Variants in ELF1 observed in about 807,000 individuals in gnomAD.
The protein encoded by ELF1 is E74 like ETS transcription factor 1, also known as ETS-related transcription factor Elf-1.
Under a neutral mutation model 59.9 loss-of-function variants are expected in ELF1, and 24 were observed. The ratio of observed to expected loss-of-function variants is 0.40; its 90% CI spans 0.29 to 0.56. The LOEUF is 0.56. ELF1 is among the 20% of genes least tolerant of loss of function. The probability of loss-of-function intolerance (pLI) is 0.44; values close to 1 mark genes in which losing one functional copy is unlikely to be tolerated. For missense variants in ELF1, 627 were observed against 742.2 expected (o/e 0.84, Z 1.80); for synonymous variants, 248 against 266.2 (o/e 0.93, Z 0.67).
chr13:41,047,633 T>C (rs1876911092), intron 1 of ELF1, among the ~76,000 whole-genome samples: 1 of 152,210 alleles, frequency 6.6e-6, no homozygotes, highest in Non-Finnish European at 1.5e-5. Flanking sequence ...TGATCATTCC[T>C]CTGGAAGCTT....
At chr13:41,022,587 A>G (rs116301369), upstream of ELF1, among the ~76,000 whole-genome samples, 215 of 152,328 alleles carry the variant, frequency 1.4e-3, 1 homozygote, top group African/African-American at 4.8e-3. Context: ...GATTTTAACA[A>G]AAAGAAATCT....
chr13:40,969,822 G>C (rs1464962972), intron 2 of ELF1, among the ~76,000 whole-genome samples: 3 of 152,068 alleles, frequency 2.0e-5, no homozygotes, highest in Admixed American at 2.0e-4. Flanking sequence ...TCCCACTTCC[G>C]CTTCCCAAGC....
At chr13:40,978,869 C>T (rs1223190675) in intron 2 of ELF1, among the ~76,000 whole-genome samples, 2 of 151,602 alleles carry the variant, frequency 1.3e-5, no homozygotes, top group African/African-American at 4.8e-5. Context: ...AATACAGCTC[C>T]TCTTACCCCC....
chr13:40,990,097 A>T (rs1175063435), intron 1 of ELF1, among the ~76,000 whole-genome samples: 1 of 152,218 alleles, frequency 6.6e-6, no homozygotes, highest in Non-Finnish European at 1.5e-5. Flanking sequence ...ACAAAACCAA[A>T]CACATTATTT....
chr13:40,993,034 A>G, intron 1 of ELF1: 2 of 1,566,272 alleles, frequency 1.3e-6, no homozygotes, highest in Non-Finnish European at 1.8e-6. Flanking sequence ...GTTCAGAGGA[A>G]CTCTCTGAAA....
At chr13:40,936,102 TC>T (rs927828316) in intron 8 of ELF1, among the ~76,000 whole-genome samples, 2 of 152,062 alleles carry the variant, frequency 1.3e-5, no homozygotes, top group African/African-American at 2.4e-5. Flanking sequence ...ACAAATATTA[TC>T]CCCATCTTAC....
In ELF1 at chr13:41,031,704, C is replaced by T. The variant is rs561640137; in HGVS notation, c.-229+29134G>A. On this transcript the variant is annotated intron_variant, in intron 1 of 1. Coordinates refer to the ELF1 transcript ENST00000405737. ...GGGTGTTGGTGGGCGCCTGTAATCC[C>T]ATCTACTAGGGAGGCTGAGACAGAG... 1.1e-4 allele frequency among the ~76,000 whole-genome samples: 16 copies of T among 150,790 alleles called. No individual in the cohort carries two copies. In the South Asian group the frequency reaches 3.4e-3, roughly 32 times the overall value.
At chr13:40,985,662 G>T (rs1054221312) in intron 1 of ELF1, among the ~76,000 whole-genome samples, 1 of 152,178 alleles carries the variant, frequency 6.6e-6, no homozygotes, top group Non-Finnish European at 1.5e-5. Flanking sequence ...TGAAGTCAGT[G>T]TGTAAAAAAC....
In ELF1 at chr13:40,951,975, C is replaced by A. The variant is rs145469254; in HGVS notation, c.254-539G>T. ...TGTGTTAAAAAATCATAAATGGTGG[C>A]AGTGCAAGGAAAGACAAGACAGTTT... is the stretch of plus-strand genomic sequence containing the variant. On this transcript the variant is annotated intron_variant, in intron 3 of 8. Coordinates refer to ENST00000239882, the MANE Select transcript of ELF1 (RefSeq NM_172373.4). 3.5e-3 allele frequency among the ~76,000 whole-genome samples: 539 copies of A among 152,158 alleles called. 6 individuals are homozygous for A. The highest frequency in any genetic ancestry group is 0.012 in the African/African-American group (501 of 41,534).
chr13:41,017,526 G>C (rs1566190807), intron 1 of ELF1, among the ~76,000 whole-genome samples: 2 of 152,166 alleles, frequency 1.3e-5, no homozygotes, highest in African/African-American at 4.8e-5. Context: ...AAGGAAAAAC[G>C]TGGAGAGGGA....
At chr13:41,015,141 G>C (rs570752084) in intron 1 of ELF1, among the ~76,000 whole-genome samples, 8 of 152,258 alleles carry the variant, frequency 5.3e-5, no homozygotes, top group South Asian at 2.1e-4. Flanking sequence ...TAAGAGTATG[G>C]AGAGGGAAAC....
rs564638312 is a variant in ELF1 at position 40,982,106 on chromosome 13, G to A, written c.-52C>T. The A allele has an allele frequency of 5.3e-5, 84 of 1,589,282 alleles. No homozygotes were observed. Among genetic ancestry groups the A allele is most frequent in the Middle Eastern group, 1.7e-4 (1 of 6,020 alleles). On this transcript the variant is annotated 5_prime_UTR_variant, in exon 2 of 9. In the 5' UTR this introduces an upstream ATG that the reference lacks. Transcript: ENST00000239882. ...TGAGAAAAATTCCAAGAAGATTCAC[G>A]TATCAGGCAGCAAAATCCAGTGACT...
chr13:40,959,627 T>C (rs1025019835), intron 2 of ELF1, among the ~76,000 whole-genome samples: 1 of 152,216 alleles, frequency 6.6e-6, no homozygotes, highest in Non-Finnish European at 1.5e-5. Flanking sequence ...CAAAAAAATC[T>C]GTGAGCTTAA....
chr13:40,941,467 G>C, intron 7 of ELF1, 97 bp from the exon 8 acceptor site: 1 of 1,131,396 alleles, frequency 8.8e-7, no homozygotes, highest in Non-Finnish European at 1.3e-6. Context: ...TTTAAAGTTG[G>C]AATCAAACTA....
At chr13:40,998,807 G>A (rs958584397) in intron 1 of ELF1, among the ~76,000 whole-genome samples, 1 of 152,024 alleles carries the variant, frequency 6.6e-6, no homozygotes, top group Non-Finnish European at 1.5e-5. Flanking sequence ...CTGTTTTATG[G>A]AGGCCAAGGC....
At chr13:40,937,695 T>C (rs1035875204) in intron 8 of ELF1, among the ~76,000 whole-genome samples, 5 of 152,220 alleles carry the variant, frequency 3.3e-5, no homozygotes, top group Non-Finnish European at 7.3e-5. Flanking sequence ...GGTCTCGAAC[T>C]CCTGACCTCG....
chr13:40,999,135 T>G (rs944267375), intron 1 of ELF1, among the ~76,000 whole-genome samples: 1 of 152,254 alleles, frequency 6.6e-6, no homozygotes, highest in Non-Finnish European at 1.5e-5. Context: ...TTATTGAATT[T>G]CCCTTAGGCT....
intron 3 of ELF1, among the ~76,000 whole-genome samples, chr13:40,954,327 G>A: frequency 6.6e-6 from 1 of 152,126 alleles, no homozygotes; most frequent in East Asian, 1.9e-4. Context: ...GGGCCTGGTG[G>A]GAGGTGACCG....
chr13:40,993,157 T>C (rs1221065449), intron 1 of ELF1: 4 of 1,522,858 alleles, frequency 2.6e-6, no homozygotes. Context: ...CTCTCCATTT[T>C]TGTAGTGTGT....
Sources: allele counts gnomAD v4.1 joint callset (sites outside exome capture counted in the v4.1 genomes callset), GRCh38; gene constraint gnomAD v4.1.1; transcripts MANE v1.5; gene names NCBI Gene and HGNC (gene_info 2026-07-23, HGNC 2026-07-21).